The following KMT2C variants were observed in gnomAD, a reference collection of about 807,000 sequenced individuals.
The protein encoded by KMT2C is lysine methyltransferase 2C.
KMT2C carries 88 observed loss-of-function variants against 507.9 expected under a neutral mutation model. The ratio of observed to expected loss-of-function variants is 0.17; its 90% CI spans 0.15 to 0.21. The LOEUF (loss-of-function observed/expected upper bound fraction) is 0.21, where lower values mean the gene tolerates loss of function less well. KMT2C is among the 10% of genes least tolerant of loss of function. The probability of loss-of-function intolerance (pLI) is 1.00; values close to 1 mark genes in which losing one functional copy is unlikely to be tolerated. For synonymous variants in KMT2C, 2,049 were observed against 2,080.8 expected, an observed-to-expected ratio of 0.98 and a Z score of 0.42; for missense variants, 4,954 against 5,957.8, an observed-to-expected ratio of 0.83 and a Z score of 5.55.
chr7:152,367,530 A>C, intron 1 of KMT2C: 1 of 1,175,358 alleles, frequency 8.5e-7, no homozygotes, highest in Non-Finnish European at 1.3e-6. Context: ...GCGAACCTGG[A>C]TTGGGAAAGT....
In KMT2C at chr7:152,360,071, G is replaced by A. The variant is rs1374818552; in HGVS notation, c.162-1396C>T. On this transcript the variant is annotated intron_variant, in intron 1 of 58. Transcript: ENST00000262189. ...CAAACACACAAACAAAAAAAAGGGG[G>A]GTGGGGGGGGGGGGACAATATGAAA... is the stretch of plus-strand genomic sequence containing the variant. Among the ~76,000 whole-genome samples the A allele has an allele frequency of 5.0e-4, 32 of 64,534 alleles. 1 individual carries two copies. In the Admixed American group the frequency reaches 7.3e-3, roughly 15 times the overall value. 42.3% of individuals were successfully genotyped at this position (64,534 alleles called of 152,430 possible).
intron 6 of KMT2C, among the ~76,000 whole-genome samples, chr7:152,303,793 G>C (rs2096592481): frequency 6.6e-6 from 1 of 152,164 alleles, no homozygotes; most frequent in African/African-American, 2.4e-5. Flanking sequence ...TTCAAGACCA[G>C]CCTGGCCAAC....
intron 2 of KMT2C, among the ~76,000 whole-genome samples, chr7:152,353,158 C>T (rs551934047): frequency 6.6e-6 from 1 of 152,308 alleles, no homozygotes; most frequent in African/African-American, 2.4e-5. Flanking sequence ...GGTGTGGTGG[C>T]TCATGCCCGT....
At chr7:152,378,374 C>T (rs370473511) in intron 1 of KMT2C, among the ~76,000 whole-genome samples, 6 of 151,092 alleles carry the variant, frequency 4.0e-5, no homozygotes, top group African/African-American at 9.8e-5. Context: ...AGTCAGCAGC[C>T]ACCAACATCC....
At chr7:152,201,617 G>GAA (rs745427209) in intron 26 of KMT2C, among the ~76,000 whole-genome samples, 34 of 22,894 alleles carry the variant, frequency 1.5e-3, no homozygotes, top group East Asian at 8.7e-3. Context: ...CAACAAAGAT[G>GAA]AAAAAAAAAA....
chr7:152,215,902 A>G (rs2094571821), intron 23 of KMT2C, among the ~76,000 whole-genome samples: 1 of 152,142 alleles, frequency 6.6e-6, no homozygotes, highest in South Asian at 2.1e-4. Flanking sequence ...ATTTGAATGT[A>G]TAACTTGTCT....
In KMT2C at chr7:152,194,193, C is replaced by T. The variant is rs777573326; in HGVS notation, c.4540+36G>A. 6 of 1,556,656 alleles carry T rather than the reference C, an allele frequency of 3.9e-6. No homozygotes were observed. In the East Asian group the frequency reaches 9.0e-5, roughly 23 times the overall value. On this transcript the variant is annotated intron_variant, in intron 30 of 58. Coordinates refer to ENST00000262189, the MANE Select transcript of KMT2C (RefSeq NM_170606.3). ...TAGTAGGGTCCTGGTATGGGGAACG[C>T]CATTTTCATTAACTAGAAAATCAAA...
intron 3 of KMT2C, among the ~76,000 whole-genome samples, chr7:152,321,957 C>T (rs1053536089): frequency 3.3e-5 from 5 of 151,478 alleles, no homozygotes; most frequent in East Asian, 3.9e-4. Flanking sequence ...ATCAAACAGC[C>T]GAAACAACCT....
intron 1 of KMT2C, among the ~76,000 whole-genome samples, chr7:152,393,624 A>T (rs1274906948): frequency 1.3e-5 from 2 of 152,170 alleles, no homozygotes; most frequent in Non-Finnish European, 1.5e-5. Flanking sequence ...TTAAGAAAAA[A>T]ATCTGTTGGC....
chr7:152,332,138 A>G (rs930892463), intron 2 of KMT2C, among the ~76,000 whole-genome samples: 14 of 152,152 alleles, frequency 9.2e-5, no homozygotes, highest in Non-Finnish European at 1.0e-4. Context: ...GCCTTTTTCC[A>G]TTCTCCTTGA....
At chr7:152,237,396 C>T (rs2095297873) in intron 15 of KMT2C, among the ~76,000 whole-genome samples, 1 of 152,186 alleles carries the variant, frequency 6.6e-6, no homozygotes, top group Non-Finnish European at 1.5e-5. Flanking sequence ...ACTGCCACTC[C>T]TGTCTTCTCT....
chr7:152,174,376 C>A, intron 38 of KMT2C, 134 bp from the exon 39 acceptor site: 1 of 558,860 alleles, frequency 1.8e-6, no homozygotes, highest in Non-Finnish European at 3.1e-6. Flanking sequence ...GCAACCTTAT[C>A]CTGGGTTTAA....
At chr7:152,292,822 G>T (rs1588968320) in intron 6 of KMT2C, among the ~76,000 whole-genome samples, 1 of 151,966 alleles carries the variant, frequency 6.6e-6, no homozygotes, top group East Asian at 1.9e-4. Context: ...GGATTTTTTT[G>T]AACTGAGTAA....
intron 23 of KMT2C, among the ~76,000 whole-genome samples, chr7:152,214,274 A>T (rs1388496172): frequency 6.6e-6 from 1 of 152,184 alleles, no homozygotes; most frequent in East Asian, 1.9e-4. Flanking sequence ...TCCCATATTC[A>T]TGGCGACATT....
chr7:152,161,533 A>G (rs1369231686), intron 43 of KMT2C, among the ~76,000 whole-genome samples: 1 of 152,236 alleles, frequency 6.6e-6, no homozygotes, highest in Non-Finnish European at 1.5e-5. Flanking sequence ...TTGTAAAGGT[A>G]TATTTACAAG....
At chr7:152,361,232 G>A (rs116388197) in intron 1 of KMT2C, among the ~76,000 whole-genome samples, 1 of 152,036 alleles carries the variant, frequency 6.6e-6, no homozygotes, top group South Asian at 2.1e-4. Flanking sequence ...ATTGTTCATG[G>A]ACAAAAAGAA....
intron 55 of KMT2C, among the ~76,000 whole-genome samples, chr7:152,141,294 A>T (rs1374190028): frequency 6.6e-6 from 1 of 152,170 alleles, no homozygotes; most frequent in East Asian, 1.9e-4. Context: ...ACTGCACTCC[A>T]GTCTGGGTGA....
rs2129121476 is a variant in KMT2C at position 152,183,028 on chromosome 7, T to C, written c.5211A>G (p.Lys1737=). 4 of 1,609,838 alleles carry C rather than the reference T, an allele frequency of 2.5e-6. No homozygotes were observed. The highest frequency in any genetic ancestry group is 3.4e-6 in the Non-Finnish European group (4 of 1,178,770). Residue 1737 remains lysine, a synonymous_variant, in exon 35 of 59, where the codon AAA becomes AAG. Coordinates refer to ENST00000262189, the MANE Select transcript of KMT2C (RefSeq NM_170606.3). The part of the protein sequence containing the change: ...PSSRIDSELF[K]DPLKQRESEH... ...CTGATTCTCTTTGCTTTAAAGGATC[T>C]TTAAAAAGCTCCGAATCAATACGAG...
At chr7:152,271,119 T>C (rs550759411) in intron 7 of KMT2C, among the ~76,000 whole-genome samples, 1 of 152,318 alleles carries the variant, frequency 6.6e-6, no homozygotes, top group South Asian at 2.1e-4. Flanking sequence ...CACAATGTTA[T>C]GTGAATTCCA....
Sources: allele counts gnomAD v4.1 joint callset (sites outside exome capture counted in the v4.1 genomes callset), GRCh38; gene constraint gnomAD v4.1.1; transcripts MANE v1.5; gene names NCBI Gene and HGNC (gene_info 2026-07-23, HGNC 2026-07-21).